SERPINE2: variants seen among roughly 807,000 people sequenced by gnomAD.
SERPINE2 encodes serpin family E member 2.
SERPINE2 carries 14 observed loss-of-function variants against 36.3 expected under a neutral mutation model. The observed-to-expected ratio is 0.39, with a 90% confidence interval of 0.25 to 0.60. SERPINE2 has a LOEUF of 0.60. Among genes scored for constraint, SERPINE2 ranks in the 20% least tolerant of loss-of-function variants. SERPINE2 has a pLI of 0.57. For missense variants in SERPINE2, 418 were observed against 499.6 expected, an observed-to-expected ratio of 0.84 and a Z score of 1.56; for synonymous variants, 192 against 191.8, an observed-to-expected ratio of 1.00 and a Z score of -0.01.
chr2:224,003,277 G>A (rs539830173), intron 1 of SERPINE2, among the ~76,000 whole-genome samples: 5 of 152,132 alleles, frequency 3.3e-5, no homozygotes, highest in East Asian at 3.9e-4. Context: ...GGGTGAAGCC[G>A]AAGGAGAGTT....
At chr2:224,031,644 C>G (rs1692378867) in intron 1 of SERPINE2, among the ~76,000 whole-genome samples, 1 of 152,024 alleles carries the variant, frequency 6.6e-6, no homozygotes, top group Non-Finnish European at 1.5e-5. Flanking sequence ...GACCATGTGA[C>G]TTAGCATCAG....
intron 1 of SERPINE2, among the ~76,000 whole-genome samples, chr2:224,033,711 G>C (rs1437683916): frequency 6.7e-6 from 1 of 149,622 alleles, no homozygotes; most frequent in South Asian, 2.1e-4. Flanking sequence ...CATCACCAAA[G>C]TTAATAGAAA....
chr2:223,996,920 TA>T (rs375742572), intron 3 of SERPINE2, among the ~76,000 whole-genome samples: 2 of 151,834 alleles, frequency 1.3e-5, no homozygotes, highest in African/African-American at 2.4e-5. Context: ...CTTCAAAAAA[TA>T]AAAAAATTAG....
chr2:224,032,624 GAATT>G (rs1251170624), intron 1 of SERPINE2, among the ~76,000 whole-genome samples: 1 of 152,112 alleles, frequency 6.6e-6, no homozygotes, highest in Non-Finnish European at 1.5e-5. Context: ...ATTCTTCAAA[GAATT>G]AAATAAGAAA....
intron 1 of SERPINE2, among the ~76,000 whole-genome samples, chr2:224,037,347 G>A (rs1161621058): frequency 6.6e-6 from 1 of 152,148 alleles, no homozygotes; most frequent in Non-Finnish European, 1.5e-5. Flanking sequence ...GAAGATTACA[G>A]TGGGAGTCCG....
Position 223,987,372 on chromosome 2 carries a change from C to T in SERPINE2, c.686-2422G>A, listed in dbSNP as rs144979279. 1.7e-3 allele frequency among the ~76,000 whole-genome samples: 266 copies of T among 152,208 alleles called. 1 individual carries two copies. The highest frequency in any genetic ancestry group is 6.2e-3 in the African/African-American group (259 of 41,528). ...TGGAATATTACGTAGCTGATAAAAG[C>T]ACAACTCCCAAGCAGAATGAATCAA... is the stretch of plus-strand genomic sequence containing the variant. On this transcript the variant is annotated intron_variant, in intron 4 of 8. Transcript: ENST00000409304.
intron 2 of SERPINE2, among the ~76,000 whole-genome samples, chr2:224,000,975 A>G (rs1015204401): frequency 6.6e-6 from 1 of 152,200 alleles, no homozygotes; most frequent in South Asian, 2.1e-4. Flanking sequence ...TTAGCTTTAT[A>G]TTTTGAAATA....
chr2:224,031,426 G>T (rs1215746397), intron 1 of SERPINE2: 1 of 985,470 alleles, frequency 1.0e-6, no homozygotes. Flanking sequence ...AGGCAGCTGG[G>T]GAACGCCAGG....
In SERPINE2 at chr2:224,001,923, C is replaced by G; in HGVS notation, c.-22-1G>C. 6.3e-7 allele frequency: 1 copy of G among 1,599,664 alleles called. No homozygotes were observed. The highest frequency in any genetic ancestry group is 8.5e-7 in the Non-Finnish European group (1 of 1,171,336). On this transcript the variant is annotated splice_acceptor_variant, in intron 1 of 8. Transcript: ENST00000409304. LOFTEE classifies it low-confidence loss of function (5UTR_SPLICE). ...CATGGTTCCTTCCACCAAGGACGAC[C>G]TGGAAAAGTAAGTTAAAAAATATTT...
At chr2:223,977,422 G>A in intron 8 of SERPINE2, 122 bp downstream of exon 8, 1 of 703,670 alleles carries the variant, frequency 1.4e-6, no homozygotes, top group Non-Finnish European at 2.6e-6. Flanking sequence ...TATTCAAAGT[G>A]TCTGCAACTA....
intron 1 of SERPINE2, among the ~76,000 whole-genome samples, chr2:224,022,523 TCACCAGGGGCTATTCTCTTA>T (rs1368432117): frequency 7.2e-5 from 11 of 152,168 alleles, no homozygotes; most frequent in Admixed American, 7.2e-4. Flanking sequence ...CAATCACCTG[TCACCAGGGGCTATTCTCTTA>T]CATTATCTGA....
At chr2:224,031,192 C>CT in intron 1 of SERPINE2, 1 of 985,462 alleles carries the variant, frequency 1.0e-6, no homozygotes, top group Non-Finnish European at 1.2e-6. Flanking sequence ...GGCTCTGGCA[C>CT]TGACACATAA....
At chr2:224,038,745 G>A (rs1302392194) in intron 1 of SERPINE2, 6 of 551,914 alleles carry the variant, frequency 1.1e-5, no homozygotes, top group Non-Finnish European at 1.9e-5. Context: ...GGTCAGGGCC[G>A]GCTCGGATGG....
At chr2:224,000,402 C>T (rs896725423) in intron 2 of SERPINE2, among the ~76,000 whole-genome samples, 1 of 152,134 alleles carries the variant, frequency 6.6e-6, no homozygotes, top group Non-Finnish European at 1.5e-5. Flanking sequence ...GGATGAAGCT[C>T]GTGCAGTTAA....
At chr2:224,025,343 G>C (rs190255767) in intron 1 of SERPINE2, among the ~76,000 whole-genome samples, 217 of 152,248 alleles carry the variant, frequency 1.4e-3, no homozygotes, top group Non-Finnish European at 2.3e-3. Flanking sequence ...CAGCACATCT[G>C]ACCAACTTCT....
chr2:224,009,688 C>CT (rs2106177507), intron 1 of SERPINE2, among the ~76,000 whole-genome samples: 2 of 141,886 alleles, frequency 1.4e-5, no homozygotes, highest in Non-Finnish European at 3.1e-5. Flanking sequence ...GAGTGAGACT[C>CT]TGTCTCAAAA....
At chr2:224,035,821 T>G (rs1692515092) in intron 1 of SERPINE2, among the ~76,000 whole-genome samples, 1 of 152,180 alleles carries the variant, frequency 6.6e-6, no homozygotes, top group Non-Finnish European at 1.5e-5. Context: ...TTTTGCCACT[T>G]TTGGGCTCTA....
chr2:224,017,384 TTTTA>T (rs1344049026), intron 1 of SERPINE2, among the ~76,000 whole-genome samples: 2 of 152,212 alleles, frequency 1.3e-5, no homozygotes, highest in African/African-American at 2.4e-5. Context: ...AGACAGATCT[TTTTA>T]TTTCTTACTT....
intron 3 of SERPINE2, among the ~76,000 whole-genome samples, chr2:223,997,069 C>T (rs1439347181): frequency 1.3e-5 from 2 of 152,038 alleles, no homozygotes; most frequent in Non-Finnish European, 2.9e-5. Context: ...AGAGTGAGAC[C>T]CTGTCTCCAA....
Sources: allele counts gnomAD v4.1 joint callset (sites outside exome capture counted in the v4.1 genomes callset), GRCh38; gene constraint gnomAD v4.1.1; transcripts MANE v1.5; gene names NCBI Gene and HGNC (gene_info 2026-07-23, HGNC 2026-07-21).